The following MLLT3 variants were observed in gnomAD, a reference collection of about 807,000 sequenced individuals.
MLLT3 encodes MLLT3 super elongation complex subunit, also known as protein AF-9.
MLLT3 carries 4 observed loss-of-function variants against 53.2 expected under a neutral mutation model. The ratio of observed to expected loss-of-function variants is 0.08; its 90% CI spans 0.04 to 0.17. The LOEUF (loss-of-function observed/expected upper bound fraction) is 0.17, where lower values mean the gene tolerates loss of function less well. MLLT3 is among the 10% of genes least tolerant of loss of function. The pLI is 1.00. For synonymous variants in MLLT3, 283 were observed against 230.6 expected (o/e 1.23, Z -2.06); for missense variants, 569 against 684.0 (o/e 0.83, Z 1.87).
At chr9:20,615,655 G>C (rs913165234) in intron 2 of MLLT3, among the ~76,000 whole-genome samples, 4 of 151,860 alleles carry the variant, frequency 2.6e-5, no homozygotes, top group Admixed American at 1.3e-4. Flanking sequence ...GGAGTGTAGA[G>C]TTAGGATCTC....
intron 2 of MLLT3, among the ~76,000 whole-genome samples, chr9:20,485,524 C>T (rs1463314185): frequency 6.6e-6 from 1 of 152,162 alleles, no homozygotes; most frequent in Non-Finnish European, 1.5e-5. Context: ...AATTCATTTA[C>T]TATAATATCA....
intron 2 of MLLT3, among the ~76,000 whole-genome samples, chr9:20,483,255 G>A (rs1824713683): frequency 8.5e-6 from 1 of 118,236 alleles, no homozygotes; most frequent in Non-Finnish European, 1.8e-5. Context: ...TTTTTTTTGA[G>A]ACAGGTTCTT....
At chr9:20,347,286 C>T (rs1820901392) in intron 10 of MLLT3, among the ~76,000 whole-genome samples, 1 of 152,064 alleles carries the variant, frequency 6.6e-6, no homozygotes, top group African/African-American at 2.4e-5. Context: ...AAAATAAAAA[C>T]ATATTTATTA....
At chr9:20,581,160 G>C (rs1166713333) in intron 2 of MLLT3, among the ~76,000 whole-genome samples, 1 of 152,118 alleles carries the variant, frequency 6.6e-6, no homozygotes, top group African/African-American at 2.4e-5. Flanking sequence ...AACTCAATCT[G>C]TCTTAAATAT....
At chr9:20,368,879 G>A (rs780852680) in intron 5 of MLLT3, among the ~76,000 whole-genome samples, 3 of 152,138 alleles carry the variant, frequency 2.0e-5, no homozygotes, top group Non-Finnish European at 4.4e-5. Flanking sequence ...CTGAAGAGTG[G>A]GCAACAAGGC....
chr9:20,412,198 G>A (rs1822746666), intron 5 of MLLT3, among the ~76,000 whole-genome samples: 1 of 151,994 alleles, frequency 6.6e-6, no homozygotes, highest in South Asian at 2.1e-4. Context: ...AGGGTGATTG[G>A]AAACAAAAGT....
intron 2 of MLLT3, among the ~76,000 whole-genome samples, chr9:20,568,993 G>C (rs1819455569): frequency 6.6e-6 from 1 of 152,038 alleles, no homozygotes; most frequent in South Asian, 2.1e-4. Context: ...CAAACACAAA[G>C]ATAATAATTC....
intron 2 of MLLT3, among the ~76,000 whole-genome samples, chr9:20,597,533 C>G (rs985591730): frequency 6.6e-6 from 1 of 152,158 alleles, no homozygotes; most frequent in Non-Finnish European, 1.5e-5. Flanking sequence ...AGAAGACCAT[C>G]TACTTTTCAA....
At chr9:20,449,360 C>T (rs1387859923) in intron 3 of MLLT3, among the ~76,000 whole-genome samples, 1 of 152,130 alleles carries the variant, frequency 6.6e-6, no homozygotes, top group South Asian at 2.1e-4. Flanking sequence ...AAATAGCATC[C>T]TATGCAAAAG....
chr9:20,464,254 CAAT>C (rs921520716), intron 2 of MLLT3, among the ~76,000 whole-genome samples: 8 of 151,830 alleles, frequency 5.3e-5, no homozygotes, highest in African/African-American at 1.7e-4. Flanking sequence ...CATTTCTTCT[CAAT>C]AATAATAGCC....
intron 2 of MLLT3, among the ~76,000 whole-genome samples, chr9:20,519,176 CA>C (rs1042700603): frequency 1.3e-5 from 2 of 151,032 alleles, no homozygotes; most frequent in African/African-American, 2.4e-5. Flanking sequence ...TCTTGAAACA[CA>C]AAAAAAAGAT....
At chr9:20,534,975 T>C (rs1818441560) in intron 2 of MLLT3, among the ~76,000 whole-genome samples, 1 of 152,198 alleles carries the variant, frequency 6.6e-6, no homozygotes, top group South Asian at 2.1e-4. Flanking sequence ...GAACTAATCA[T>C]GGTTTGCTCA....
intron 2 of MLLT3, among the ~76,000 whole-genome samples, chr9:20,483,856 C>T (rs1210689532): frequency 6.9e-6 from 1 of 144,218 alleles, no homozygotes; most frequent in African/African-American, 2.6e-5. Context: ...TACAAGCACC[C>T]AGCACCACGC....
At chr9:20,486,158 A>G (rs1026882437) in intron 2 of MLLT3, among the ~76,000 whole-genome samples, 21 of 152,312 alleles carry the variant, frequency 1.4e-4, no homozygotes, top group African/African-American at 4.6e-4. Flanking sequence ...ACTATTCTAT[A>G]CTTTCCCAGA....
chr9:20,473,697 A>G (rs1824452217), intron 2 of MLLT3, among the ~76,000 whole-genome samples: 1 of 152,124 alleles, frequency 6.6e-6, no homozygotes, highest in Non-Finnish European at 1.5e-5. Context: ...GTAATCTCAT[A>G]ATGTCACTGC....
intron 2 of MLLT3, among the ~76,000 whole-genome samples, chr9:20,597,830 G>C (rs1820315817): frequency 6.6e-6 from 1 of 152,166 alleles, no homozygotes; most frequent in Admixed American, 6.5e-5. Flanking sequence ...CACCAATTCT[G>C]CCATTCTATA....
chr9:20,614,240 CA>C (rs1160467373), intron 2 of MLLT3, among the ~76,000 whole-genome samples: 1 of 151,574 alleles, frequency 6.6e-6, no homozygotes, highest in Non-Finnish European at 1.5e-5. Flanking sequence ...ACTAAAAATA[CA>C]AAATTAGCCG....
At chr9:20,548,587 A>G (rs1428855747) in intron 2 of MLLT3, among the ~76,000 whole-genome samples, 1 of 152,326 alleles carries the variant, frequency 6.6e-6, no homozygotes, top group Admixed American at 6.5e-5. Context: ...AATTATGTGA[A>G]ATTGTTCTAA....
At chr9:20,590,572 A>G (rs533941927) in intron 2 of MLLT3, among the ~76,000 whole-genome samples, 1 of 152,254 alleles carries the variant, frequency 6.6e-6, no homozygotes, top group Non-Finnish European at 1.5e-5. Context: ...CCTGCCTGCC[A>G]CCATGTAAGA....
Sources: allele counts gnomAD v4.1 joint callset (sites outside exome capture counted in the v4.1 genomes callset), GRCh38; gene constraint gnomAD v4.1.1; transcripts MANE v1.5; gene names NCBI Gene and HGNC (gene_info 2026-07-23, HGNC 2026-07-21).